Variants in BTBD9 observed in about 807,000 individuals in gnomAD.
BTBD9 encodes BTB domain containing 9.
BTBD9 carries 49 observed loss-of-function variants against 64.3 expected under a neutral mutation model. That is an observed-to-expected ratio of 0.76 (90% CI 0.61 to 0.97). BTBD9 has a LOEUF of 0.97. Ranked by LOEUF, BTBD9 falls within the 50% of genes least tolerant of loss-of-function variation. BTBD9 has a pLI of 0.00. For synonymous variants in BTBD9, 260 were observed against 274.7 expected (o/e 0.95, Z 0.53); for missense variants, 598 against 762.1 (o/e 0.78, Z 2.53).
chr6:38,192,506 A>G lies in BTBD9; in HGVS notation c.1641+13T>C. ...GAAATCTCATGGCACCTCTCATGAA[A>G]AGAGACCCTTACCTCATTTGCTGTG... On this transcript the variant is annotated intron_variant, in intron 10 of 10. Transcript: ENST00000481247. The G allele has an allele frequency of 6.2e-7, 1 of 1,611,026 alleles. No homozygotes were observed. Among genetic ancestry groups the G allele is most frequent in the Non-Finnish European group, 8.5e-7 (1 of 1,177,546 alleles).
chr6:38,328,995 T>C (rs888183043), intron 7 of BTBD9, among the ~76,000 whole-genome samples: 7 of 150,608 alleles, frequency 4.6e-5, no homozygotes, highest in African/African-American at 1.7e-4. Context: ...TGTGTGTGTG[T>C]GTGTGTGTGT....
intron 6 of BTBD9, among the ~76,000 whole-genome samples, chr6:38,465,002 G>C (rs1386516650): frequency 6.6e-6 from 1 of 152,128 alleles, no homozygotes; most frequent in African/African-American, 2.4e-5. Context: ...AAATCTTTTA[G>C]CTTTAAATTC....
intron 6 of BTBD9, among the ~76,000 whole-genome samples, chr6:38,454,812 A>C (rs995286907): frequency 2.0e-5 from 3 of 151,814 alleles, no homozygotes; most frequent in Non-Finnish European, 4.4e-5. Flanking sequence ...TAAAAAAAAA[A>C]AAAACACTAA....
chr6:38,632,679 C>A (rs1247117223), intron 1 of BTBD9, among the ~76,000 whole-genome samples: 2 of 152,136 alleles, frequency 1.3e-5, no homozygotes, highest in East Asian at 3.9e-4. Context: ...CACCTGTAAT[C>A]CCAGTACTCT....
chr6:38,382,835 A>G (rs889094492), intron 6 of BTBD9, among the ~76,000 whole-genome samples: 1 of 152,196 alleles, frequency 6.6e-6, no homozygotes, highest in Non-Finnish European at 1.5e-5. Flanking sequence ...GGAAAATCTG[A>G]ATTATCAAAA....
chr6:38,302,610 T>C (rs1582194883), intron 7 of BTBD9, among the ~76,000 whole-genome samples: 1 of 150,996 alleles, frequency 6.6e-6, no homozygotes, highest in Admixed American at 6.6e-5. Flanking sequence ...GTAATAAACA[T>C]GGGAGTGAAG....
intron 4 of BTBD9, among the ~76,000 whole-genome samples, chr6:38,591,016 C>G (rs1776768881): frequency 6.6e-6 from 1 of 152,168 alleles, no homozygotes; most frequent in South Asian, 2.1e-4. Flanking sequence ...AAATACTCTC[C>G]TCACTGGTCT....
At chr6:38,254,544 G>A (rs1444205984) in intron 9 of BTBD9, among the ~76,000 whole-genome samples, 1 of 152,108 alleles carries the variant, frequency 6.6e-6, no homozygotes, top group East Asian at 1.9e-4. Context: ...GACTGAGGTG[G>A]GAAGATCACT....
intron 9 of BTBD9, among the ~76,000 whole-genome samples, chr6:38,201,460 T>A (rs1762460468): frequency 6.6e-6 from 1 of 152,154 alleles, no homozygotes; most frequent in Non-Finnish European, 1.5e-5. Flanking sequence ...ATAAAAGCCA[T>A]CTATGACAAA....
chr6:38,525,313 A>T (rs1232790886), intron 6 of BTBD9, among the ~76,000 whole-genome samples: 3 of 152,108 alleles, frequency 2.0e-5, no homozygotes, highest in Non-Finnish European at 4.4e-5. Flanking sequence ...TTCTGCCATG[A>T]TTGTAAGTTT....
chr6:38,339,576 T>C (rs1764025763), intron 7 of BTBD9, among the ~76,000 whole-genome samples: 1 of 152,134 alleles, frequency 6.6e-6, no homozygotes, highest in Non-Finnish European at 1.5e-5. Flanking sequence ...GTTGGGAGGA[T>C]ACAAAATATA....
At chr6:38,204,847 C>T (rs183321830) in intron 9 of BTBD9, among the ~76,000 whole-genome samples, 1 of 151,750 alleles carries the variant, frequency 6.6e-6, no homozygotes, top group East Asian at 1.9e-4. Flanking sequence ...GAAAAAAAAA[C>T]CCTAAATTAT....
At chr6:38,465,337 G>T (rs1330663832) in intron 6 of BTBD9, among the ~76,000 whole-genome samples, 1 of 151,100 alleles carries the variant, frequency 6.6e-6, no homozygotes, top group Non-Finnish European at 1.5e-5. Flanking sequence ...GGGTACTCAG[G>T]CCGGGTGCGG....
chr6:38,510,219 C>T (rs1232273864), intron 6 of BTBD9, among the ~76,000 whole-genome samples: 3 of 152,210 alleles, frequency 2.0e-5, no homozygotes, highest in Non-Finnish European at 4.4e-5. Flanking sequence ...CCATAGCCTA[C>T]TATACACCAA....
chr6:38,618,419 T>C (rs902567764), intron 1 of BTBD9, among the ~76,000 whole-genome samples: 3 of 152,220 alleles, frequency 2.0e-5, no homozygotes, highest in African/African-American at 7.2e-5. Context: ...TCCACAACTA[T>C]GCAAAGCTTG....
At position 38,425,927 on chromosome 6, in the gene BTBD9, T is replaced by TACACACACACACACAC. The variant is rs61016424; in HGVS notation, c.1155-80850_1155-80835dup. 9.4e-4 allele frequency among the ~76,000 whole-genome samples: 129 copies of TACACACACACACACAC among 137,074 alleles called. No individual in the cohort carries two copies. In the East Asian group the frequency reaches 9.7e-3, roughly 10 times the overall value. The allele number at this position is 137,074 out of a possible 152,430, so 89.9% of individuals were successfully genotyped here. On this transcript the variant is annotated intron_variant, in intron 6 of 10. Transcript: ENST00000481247. ...GTGAGACCCTATCTCAAGAAACACA[T>TACACACACACACACAC]ACACACACACACACACACACACACA... is the stretch of plus-strand genomic sequence containing the variant.
chr6:38,601,026 G>A lies in BTBD9; in HGVS notation c.-27-2905C>T, dbSNP rs528376452. Among the ~76,000 whole-genome samples, 3 of 152,034 alleles carry A rather than the reference G, an allele frequency of 2.0e-5. No homozygotes were observed. The South Asian group carries it at 6.2e-4, about 32-fold the overall frequency. On this transcript the variant is annotated intron_variant, in intron 1 of 10. Transcript: ENST00000481247. The stretch of plus-strand genomic sequence containing the variant: ...ATTCTCAATGAGCTTGCCCAACATT[G>A]GAATCAAATGGGGAGCTTAAAAACA...
intron 6 of BTBD9, among the ~76,000 whole-genome samples, chr6:38,423,305 TA>T (rs1767990864): frequency 6.6e-6 from 1 of 151,966 alleles, no homozygotes; most frequent in African/African-American, 2.4e-5. Flanking sequence ...TTATTATTAT[TA>T]TTTTTTTAAA....
chr6:38,251,071 G>A (rs1764377907), intron 9 of BTBD9, among the ~76,000 whole-genome samples: 1 of 147,980 alleles, frequency 6.8e-6, no homozygotes. Context: ...GACAGAGAGA[G>A]ACTATGTCTC....
Sources: gnomAD v4.1 joint callset for allele counts (sites outside exome capture counted in the v4.1 genomes callset) on GRCh38, gnomAD v4.1.1 for gene constraint, MANE v1.5 for transcripts, NCBI Gene and HGNC (gene_info 2026-07-23, HGNC 2026-07-21) for gene names.